Variants in UMODL1 observed in about 807,000 individuals in gnomAD.
UMODL1 encodes uromodulin-like 1.
A neutral mutation model predicts 136.3 loss-of-function variants in UMODL1; 128 were observed. The ratio of observed to expected loss-of-function variants is 0.94; its 90% confidence interval spans 0.81 to 1.09. The LOEUF (loss-of-function observed/expected upper bound fraction) is 1.09, where lower values mean the gene tolerates loss of function less well. Among genes scored for constraint, UMODL1 ranks in the 50% least tolerant of loss-of-function variants. The pLI is 0.00. For missense variants in UMODL1, 1,766 were observed against 1,725.6 expected (o/e 1.02, Z -0.41); for synonymous variants, 721 against 720.0 (o/e 1.00, Z -0.02).
chr21:42,132,850 T>C (rs2067152116), intron 21 of UMODL1, among the ~76,000 whole-genome samples: 1 of 152,216 alleles, frequency 6.6e-6, no homozygotes, highest in Non-Finnish European at 1.5e-5. Flanking sequence ...AATTGTGCCT[T>C]ATTTTCCTCA....
chr21:42,094,799 T>C (rs2146459461), intron 6 of UMODL1, among the ~76,000 whole-genome samples: 1 of 152,250 alleles, frequency 6.6e-6, no homozygotes, highest in African/African-American at 2.4e-5. Flanking sequence ...CTCCAAGCTG[T>C]GCTGTCCAGC....
rs184702692 is a variant in UMODL1, at chr21:42,113,460, G to A, written c.2105-113G>A. On this transcript the variant is annotated intron_variant, in intron 12 of 22. Coordinates refer to ENST00000408910, the MANE Select transcript of UMODL1 (RefSeq NM_001004416.3). ...CCCATCACCTCGGCGGCCATCACCTGCAAATCGCTCATGTCCCCATGGTGA... is the reference window on the plus strand; with the variant it reads ...CCCATCACCTCGGCGGCCATCACCTACAAATCGCTCATGTCCCCATGGTGA... 4,278 of 1,363,050 alleles carry A rather than the reference G, an allele frequency of 3.1e-3. 23 individuals carry two copies. Among genetic ancestry groups the A allele is most frequent in the Non-Finnish European group, 2.7e-3 (2,686 of 1,005,782 alleles). 84.4% of individuals were successfully genotyped at this position (1,363,050 alleles called of 1,614,324 possible).
chr21:42,112,488 A>ATCTGTCCAGCTGCTCTGTT (rs1569164230), intron 12 of UMODL1, among the ~76,000 whole-genome samples: 1 of 149,304 alleles, frequency 6.7e-6, no homozygotes, highest in Admixed American at 6.6e-5. Flanking sequence ...GCTGCTCTGT[A>ATCTGTCCAGCTGCTCTGTT]TCTGTCCAGC....
intron 2 of UMODL1, among the ~76,000 whole-genome samples, chr21:42,081,518 G>A (rs2066361938): frequency 6.6e-6 from 1 of 152,210 alleles, no homozygotes; most frequent in South Asian, 2.1e-4. Flanking sequence ...GGATGGAGGG[G>A]CTTCCCGGCA....
At chr21:42,088,562 C>G in intron 5 of UMODL1, 82 bp downstream of exon 5, 1 of 1,360,480 alleles carries the variant, frequency 7.4e-7, no homozygotes, top group Admixed American at 2.6e-5. Flanking sequence ...ACGCTAAAGC[C>G]AGACCAGTCC....
intron 13 of UMODL1, among the ~76,000 whole-genome samples, chr21:42,115,116 G>A (rs1159191630): frequency 6.6e-6 from 1 of 152,232 alleles, no homozygotes; most frequent in Non-Finnish European, 1.5e-5. Flanking sequence ...AGCCCCCTGA[G>A]GGGAGAGCTG....
intron 14 of UMODL1, among the ~76,000 whole-genome samples, chr21:42,116,992 C>T (rs2066910060): frequency 6.6e-6 from 1 of 152,090 alleles, no homozygotes; most frequent in South Asian, 2.1e-4. Flanking sequence ...AGGAGAATCG[C>T]TTGAAACCAG....
rs141425037 is a variant in UMODL1 at position 42,084,030 on chromosome 21, A to T, written c.320-54A>T. 2.3e-4 allele frequency: 369 copies of T among 1,593,140 alleles called. 1 individual carries two copies. In the African/African-American group the frequency reaches 4.5e-3, roughly 19 times the overall value. Reference sequence around the variant, plus strand: ...CACCGACGTGAGGTCCCCGTGCAGCAAATCAGGTTTGTCTTTTATCGCCAG... The same window carrying T: ...CACCGACGTGAGGTCCCCGTGCAGCTAATCAGGTTTGTCTTTTATCGCCAG... On this transcript the variant is annotated intron_variant, in intron 2 of 22. Coordinates refer to ENST00000408910, the MANE Select transcript of UMODL1 (RefSeq NM_001004416.3).
intron 2 of UMODL1, among the ~76,000 whole-genome samples, chr21:42,083,260 T>C (rs1252697759): frequency 6.6e-6 from 1 of 152,188 alleles, no homozygotes; most frequent in Non-Finnish European, 1.5e-5. Flanking sequence ...CACCAGGCCG[T>C]TCTTCCCGCA....
chr21:42,075,522 G>A (rs1393457316), intron 1 of UMODL1, among the ~76,000 whole-genome samples: 3 of 152,222 alleles, frequency 2.0e-5, no homozygotes, highest in Admixed American at 2.0e-4. Flanking sequence ...GCACTGTGGA[G>A]GGAACTGCTG....
chr21:42,105,720 G>A (rs532285677), intron 9 of UMODL1, among the ~76,000 whole-genome samples: 8 of 152,312 alleles, frequency 5.3e-5, no homozygotes, highest in Admixed American at 3.3e-4. Flanking sequence ...ACTGGAAGAG[G>A]CCTGGGAAAG....
intron 2 of UMODL1, among the ~76,000 whole-genome samples, chr21:42,079,600 GAGGA>G (rs1569142112): frequency 6.6e-6 from 1 of 152,234 alleles, no homozygotes; most frequent in Non-Finnish European, 1.5e-5. Context: ...GATCTAGAAG[GAGGA>G]AGGAAGAGAA....
intron 1 of UMODL1, among the ~76,000 whole-genome samples, chr21:42,073,385 T>C (rs989470946): frequency 6.6e-6 from 1 of 152,194 alleles, no homozygotes; most frequent in African/African-American, 2.4e-5. Context: ...CCCCGTACGA[T>C]GAGGACCTCC....
At chr21:42,105,371 C>T (rs913545403) in intron 9 of UMODL1, among the ~76,000 whole-genome samples, 1 of 152,180 alleles carries the variant, frequency 6.6e-6, no homozygotes, top group African/African-American at 2.4e-5. Context: ...CCCTGCCTCC[C>T]TCCTCCCATC....
intron 20 of UMODL1, chr21:42,128,288 T>G: frequency 3.5e-6 from 1 of 287,316 alleles, no homozygotes; most frequent in Non-Finnish European, 6.8e-6. Context: ...AATTTTACAT[T>G]CCTGTTTTCC....
chr21:42,137,133 C>A (rs1472881575), intron 21 of UMODL1, among the ~76,000 whole-genome samples: 1 of 152,168 alleles, frequency 6.6e-6, no homozygotes, highest in African/African-American at 2.4e-5. Context: ...TGTGTAGGCC[C>A]AACCCGTGTG....
chr21:42,094,907 T>C (rs191264203), intron 6 of UMODL1, among the ~76,000 whole-genome samples: 1 of 152,142 alleles, frequency 6.6e-6, no homozygotes, highest in African/African-American at 2.4e-5. Flanking sequence ...AAGAGAAATG[T>C]ATCCTCTCAC....
intron 6 of UMODL1, among the ~76,000 whole-genome samples, chr21:42,096,612 G>A (rs73905542): frequency 1.6e-3 from 241 of 152,190 alleles, no homozygotes; most frequent in African/African-American, 5.6e-3. Flanking sequence ...AATCTGGGTG[G>A]GCCATCTGTT....
rs118104890 is a variant in UMODL1 at position 42,119,177 on chromosome 21, G to A, written c.2542G>A (p.Val848Ile). The change falls in exon 15 of 23, where the codon GTC (valine) becomes ATC (isoleucine). Residue 848 changes from valine to isoleucine, a missense_variant. Coordinates refer to ENST00000408910, the MANE Select transcript of UMODL1 (RefSeq NM_001004416.3). ...MDAGGVRMEVVSVTNGSIVVE... is the reference protein window; with the variant it reads ...MDAGGVRMEVISVTNGSIVVE... ...CGCTGGTGGGGTCAGGATGGAAGTC[G>A]TCAGCGTCACCAACGGCAGCATCGT... 56,328 of 1,614,148 alleles carry A rather than the reference G, an allele frequency of 0.035. 1,156 individuals are homozygous for A. The highest frequency in any genetic ancestry group is 0.049 in the South Asian group (4,447 of 91,082).
Sources: allele counts gnomAD v4.1 joint callset (sites outside exome capture counted in the v4.1 genomes callset), GRCh38; gene constraint gnomAD v4.1.1; transcripts MANE v1.5; gene names NCBI Gene and HGNC (gene_info 2026-07-23, HGNC 2026-07-21).